Variants in RUFY3 observed in about 807,000 individuals in gnomAD.
RUFY3 encodes the protein protein RUFY3.
In RUFY3, 34 loss-of-function variants were observed where a neutral mutation model predicts 84.0. The ratio of observed to expected loss-of-function variants is 0.40; its 90% CI spans 0.31 to 0.54. The LOEUF (loss-of-function observed/expected upper bound fraction) is 0.54, where lower values mean the gene tolerates loss of function less well. Ranked by LOEUF, RUFY3 falls within the 20% of genes least tolerant of loss-of-function variation. The pLI is 0.39. For synonymous variants in RUFY3, 242 were observed against 252.9 expected, an observed-to-expected ratio of 0.96 and a Z score of 0.41; for missense variants, 507 against 736.8, an observed-to-expected ratio of 0.69 and a Z score of 3.61.
At position 70,722,059 on chromosome 4, in the gene RUFY3, G is replaced by A. The variant is rs754583118; in HGVS notation, c.-515G>A. 910 of 1,232,016 alleles carry A rather than the reference G, an allele frequency of 7.4e-4. 1 individual carries two copies. The highest frequency in any genetic ancestry group is 8.9e-4 in the Non-Finnish European group (881 of 987,980). 76.3% of individuals were successfully genotyped at this position (1,232,016 alleles called of 1,614,324 possible). A position where few individuals can be genotyped will look rare whatever the true frequency, so the allele number is the denominator to read the frequency against. ...TCCCAGCTCATCTGAGCAGATCCTG[G>A]AAGTGATTTCTGCAGCTCAGGATTT... On this transcript the variant is annotated 5_prime_UTR_variant, in exon 1 of 18. Coordinates refer to ENST00000381006, the MANE Select transcript of RUFY3 (RefSeq NM_001037442.4).
Position 70,762,499 on chromosome 4 carries a change from T to A in RUFY3, c.179-20T>A, listed in dbSNP as rs774793169. ...CTATTTCTAGTAACCAGCCTTCATC[T>A]TCTTCCCCTTTGGCTGCAGATCCTA... On this transcript the variant is annotated intron_variant, in intron 1 of 17. Transcript: ENST00000381006. The A allele has an allele frequency of 6.3e-7, 1 of 1,588,548 alleles. No individual in the cohort carries two copies. The highest frequency in any genetic ancestry group is 8.6e-7 in the Non-Finnish European group (1 of 1,161,856).
Position 70,808,222 on chromosome 4 carries a change from A to AGTTG in RUFY3, c.*1568_*1571dup, listed in dbSNP as rs1460375604. Among the ~76,000 whole-genome samples, 1 of 152,198 alleles carries AGTTG rather than the reference A, an allele frequency of 6.6e-6. No homozygotes were observed. The highest frequency in any genetic ancestry group is 1.9e-4 in the East Asian group (1 of 5,170). ...CTTTTTCTGAATATTTTTGATTGGC[A>AGTTG]GTTGGTTGAAGCCATGGATGCAGAA... On this transcript the variant is annotated 3_prime_UTR_variant, in exon 18 of 18. Transcript: ENST00000381006.
At chr4:70,737,536 AAAGGGTCTACT>A (rs1326596375) in intron 1 of RUFY3, among the ~76,000 whole-genome samples, 1 of 152,178 alleles carries the variant, frequency 6.6e-6, no homozygotes, top group African/African-American at 2.4e-5. Context: ...GCATGAGAGC[AAAGGGTCTACT>A]GGTCAGGGCT....
intron 1 of RUFY3, among the ~76,000 whole-genome samples, chr4:70,747,441 T>A (rs1368681590): frequency 6.6e-6 from 1 of 151,910 alleles, no homozygotes; most frequent in Non-Finnish European, 1.5e-5. Context: ...TCCAGTATCC[T>A]GTGCTGCCTC....
intron 1 of RUFY3, among the ~76,000 whole-genome samples, chr4:70,743,118 C>T (rs1409840489): frequency 6.6e-6 from 1 of 152,000 alleles, no homozygotes; most frequent in African/African-American, 2.4e-5. Flanking sequence ...GTCCAGGCTG[C>T]GGTGCAGTGG....
At chr4:70,762,887 C>T (rs1725268263) in intron 2 of RUFY3, among the ~76,000 whole-genome samples, 195 bp downstream of exon 2, 1 of 152,146 alleles carries the variant, frequency 6.6e-6, no homozygotes, top group South Asian at 2.1e-4. Flanking sequence ...AAATACAGAT[C>T]ATTAAATGTT....
chr4:70,779,308 C>T (rs1297295329), intron 8 of RUFY3, among the ~76,000 whole-genome samples: 5 of 152,122 alleles, frequency 3.3e-5, no homozygotes, highest in African/African-American at 4.8e-5. Context: ...GGCTGAGTTC[C>T]GTCACTGGAA....
At chr4:70,716,491 A>G (rs1741638750) in intron 1 of RUFY3, among the ~76,000 whole-genome samples, 1 of 152,134 alleles carries the variant, frequency 6.6e-6, no homozygotes, top group South Asian at 2.1e-4. Context: ...ACCTTGTAAT[A>G]CAGCAGCCAA....
chr4:70,742,257 G>A (rs1028952102), intron 1 of RUFY3, among the ~76,000 whole-genome samples: 2 of 152,190 alleles, frequency 1.3e-5, no homozygotes, highest in African/African-American at 4.8e-5. Context: ...AAACCAATCA[G>A]TGTTTCTTCT....
intron 15 of RUFY3, among the ~76,000 whole-genome samples, chr4:70,801,500 TA>T (rs1732230217): frequency 1.3e-5 from 2 of 152,308 alleles, no homozygotes; most frequent in Admixed American, 1.3e-4. Flanking sequence ...ACTGTGAACC[TA>T]ACTGCTCTAA....
At position 70,772,114 on chromosome 4, in the gene RUFY3, AATAAT is replaced by A. The variant is rs1300361820; in HGVS notation, c.697-1387_697-1383del. Among the ~76,000 whole-genome samples the A allele has an allele frequency of 6.0e-5, 9 of 150,220 alleles. No individual in the cohort carries two copies. In the South Asian group the frequency reaches 6.2e-4, roughly 10 times the overall value. On this transcript the variant is annotated intron_variant, in intron 5 of 17. Transcript: ENST00000381006. Reference sequence around the variant, plus strand: ...GAGTGAGACTTTGTCTCAGAAATAAAATAATATAATATAAATATATATTTTATATT... The same window carrying A: ...GAGTGAGACTTTGTCTCAGAAATAAAATAATATAAATATATATTTTATATT...
At chr4:70,768,269 A>G (rs989456297) in intron 4 of RUFY3, among the ~76,000 whole-genome samples, 1 of 152,172 alleles carries the variant, frequency 6.6e-6, no homozygotes, top group African/African-American at 2.4e-5. Context: ...CTGCCAGCCT[A>G]TTATTTAAAG....
At chr4:70,769,628 CA>C (rs1341496304) in intron 5 of RUFY3, among the ~76,000 whole-genome samples, 10 of 152,142 alleles carry the variant, frequency 6.6e-5, no homozygotes, top group Non-Finnish European at 1.5e-4. Context: ...GCTTCCTTTA[CA>C]AAAGATTTCT....
intron 1 of RUFY3, among the ~76,000 whole-genome samples, chr4:70,711,407 T>C (rs1408430076): frequency 6.6e-6 from 1 of 152,208 alleles, no homozygotes; most frequent in Non-Finnish European, 1.5e-5. Flanking sequence ...CCCCAAAAGA[T>C]TGGGCATGGT....
chr4:70,777,738 C>T (rs1209007206), intron 7 of RUFY3, among the ~76,000 whole-genome samples: 2 of 152,118 alleles, frequency 1.3e-5, no homozygotes, highest in Non-Finnish European at 2.9e-5. Flanking sequence ...GGAATAAATG[C>T]AATAACGCAA....
intron 10 of RUFY3, among the ~76,000 whole-genome samples, chr4:70,785,693 C>T (rs1729673830): frequency 1.3e-5 from 2 of 151,534 alleles, no homozygotes; most frequent in Non-Finnish European, 2.9e-5. Context: ...AAAAATCAGC[C>T]GGGCATGGTG....
intron 5 of RUFY3, 78 bp from the exon 6 acceptor site, chr4:70,773,433 T>G (rs1727320295): frequency 4.3e-6 from 4 of 933,750 alleles, no homozygotes; most frequent in Non-Finnish European, 6.9e-6. Flanking sequence ...CTGTTTTGAG[T>G]GCCTAGAAGG....
chr4:70,704,832 G>GCGGCGC, exon 1 of RUFY3: 1 of 739,774 alleles, frequency 1.4e-6, no homozygotes, highest in Admixed American at 4.6e-5. Context: ...GGTGGCGGCG[G>GCGGCGC]CGGCGCAGCG....
intron 9 of RUFY3, among the ~76,000 whole-genome samples, chr4:70,783,596 A>G (rs765171524): frequency 2.4e-4 from 37 of 152,364 alleles, no homozygotes; most frequent in Non-Finnish European, 3.8e-4. Context: ...TTAATTCCTT[A>G]AAGTATCAAA....
Sources: gnomAD v4.1 joint callset for allele counts (sites outside exome capture counted in the v4.1 genomes callset) on GRCh38, gnomAD v4.1.1 for gene constraint, MANE v1.5 for transcripts, NCBI Gene and HGNC (gene_info 2026-07-23, HGNC 2026-07-21) for gene names.